Variants in TERB1 observed in about 807,000 individuals in gnomAD.
TERB1 encodes the protein telomere repeats-binding bouquet formation protein 1.
In TERB1, 63 loss-of-function variants were observed where a neutral mutation model predicts 92.3. That is an observed-to-expected ratio of 0.68 (90% CI 0.56 to 0.84). The LOEUF (loss-of-function observed/expected upper bound fraction) is 0.84, where lower values mean the gene tolerates loss of function less well. Among genes scored for constraint, TERB1 ranks in the 40% least tolerant of loss-of-function variants. The probability of loss-of-function intolerance (pLI) is 0.00; values close to 1 mark genes in which losing one functional copy is unlikely to be tolerated. For synonymous variants in TERB1, 252 were observed against 283.9 expected (o/e 0.89, Z 1.13); for missense variants, 709 against 843.7 (o/e 0.84, Z 1.98).
In TERB1 at chr16:66,767,428, C is replaced by G. The variant is rs369618997; in HGVS notation, c.1767G>C (p.Thr589=). ...AAAAATACTTACCTGAGCACCTATA[C>G]GTCAACATTTCGGAACAACTGGGAG... ...LATPSCSEML[T]YRCSGCIAVE... Residue 589 remains threonine (T), a synonymous_variant, in exon 16 of 19, where the codon ACG becomes ACC. Transcript: ENST00000433154. 1.3e-6 allele frequency: 2 copies of G among 1,521,792 alleles called. No individual in the cohort carries two copies. The highest frequency in any genetic ancestry group is 2.5e-5 in the East Asian group (1 of 40,118). 94.3% of individuals were successfully genotyped at this position (1,521,792 alleles called of 1,614,324 possible). A position where few individuals can be genotyped will look rare whatever the true frequency, so the allele number is the denominator to read the frequency against.
intron 2 of TERB1, among the ~76,000 whole-genome samples, chr16:66,797,623 C>CCACCCACACA (rs1959204472): frequency 7.1e-6 from 1 of 140,846 alleles, no homozygotes; most frequent in African/African-American, 2.7e-5. Flanking sequence ...TAAAAACACA[C>CCACCCACACA]CACACACACA....
Position 66,770,294 on chromosome 16 carries a change from C to A in TERB1, c.1288G>T (p.Glu430Ter). The A allele has an allele frequency of 6.5e-7, 1 of 1,540,370 alleles. No individual in the cohort carries two copies. Among genetic ancestry groups the A allele is most frequent in the Non-Finnish European group, 8.8e-7 (1 of 1,139,396 alleles). Reference sequence around the variant, plus strand: ...GATGAAATATTATCCTGATAGTTTTCTCTTTGTATTTCTTCCTATAGTGTA... The same window carrying A: ...GATGAAATATTATCCTGATAGTTTTATCTTTGTATTTCTTCCTATAGTGTA... ...REGNEEEIQR[E>*]NYQDNISSMN... Residue 430 changes from glutamate to a stop codon, truncating the protein, a stop_gained, in exon 14 of 19, where the codon GAA becomes TAA. Transcript: ENST00000433154. LOFTEE classifies it high-confidence loss of function.
At chr16:66,777,446 A>C in intron 10 of TERB1, 112 bp from the exon 11 acceptor site, 1 of 557,232 alleles carries the variant, frequency 1.8e-6, no homozygotes, top group Non-Finnish European at 3.0e-6. Context: ...ATCTATATAA[A>C]ATTAAATATA....
At chr16:66,794,891 C>A (rs977130246) in intron 3 of TERB1, among the ~76,000 whole-genome samples, 6 of 131,614 alleles carry the variant, frequency 4.6e-5, no homozygotes, top group Non-Finnish European at 7.8e-5. Flanking sequence ...GCCTGGGCGA[C>A]AGAGTGAGAC....
intron 10 of TERB1, among the ~76,000 whole-genome samples, chr16:66,777,832 T>C (rs1567472484): frequency 6.6e-6 from 1 of 152,234 alleles, no homozygotes; most frequent in Non-Finnish European, 1.5e-5. Flanking sequence ...TATGCTGAGA[T>C]GTGACAAAAG....
chr16:66,772,543 A>T (rs958672288), intron 13 of TERB1, 46 bp downstream of exon 13: 1 of 1,479,718 alleles, frequency 6.8e-7, no homozygotes, highest in Non-Finnish European at 9.0e-7. Flanking sequence ...AAGAAATTTT[A>T]AAAATTTGAA....
intron 13 of TERB1, among the ~76,000 whole-genome samples, chr16:66,771,558 T>C (rs749415753): frequency 2.6e-5 from 4 of 151,982 alleles, no homozygotes; most frequent in African/African-American, 2.4e-5. Flanking sequence ...CAATCCCCCA[T>C]AGATACCAAG....
chr16:66,764,932 C>T (rs752538496), intron 16 of TERB1, among the ~76,000 whole-genome samples: 5 of 152,102 alleles, frequency 3.3e-5, no homozygotes, highest in Admixed American at 6.6e-5. Flanking sequence ...CTATAGCCCA[C>T]GTTAGAAGCC....
At chr16:66,768,570 C>T (rs991956806) in intron 14 of TERB1, among the ~76,000 whole-genome samples, 9 of 152,244 alleles carry the variant, frequency 5.9e-5, no homozygotes, top group Non-Finnish European at 1.2e-4. Flanking sequence ...ACCCCCAAAA[C>T]ATTTGTATGT....
In TERB1 at chr16:66,780,401, T is replaced by TAAA. The variant is rs5817602; in HGVS notation, c.701-1389_701-1387dup. ...ATAGTGAGACCCCATCTCTACAAAA[T>TAAA]AAAAAAAAAAAATTGAAAATTAGCC... On this transcript the variant is annotated intron_variant, in intron 9 of 18. Coordinates refer to ENST00000433154, the MANE Select transcript of TERB1 (RefSeq NM_001136505.2). Among the ~76,000 whole-genome samples the TAAA allele has an allele frequency of 3.4e-5, 5 of 147,308 alleles. No individual in the cohort carries two copies. The East Asian group carries it at 7.9e-4, about 23-fold the overall frequency.
chr16:66,790,489 CAT>C (rs1379075161), intron 5 of TERB1, 104 bp downstream of exon 5: 18 of 808,106 alleles, frequency 2.2e-5, no homozygotes, highest in African/African-American at 7.2e-5. Flanking sequence ...ATTATTCAAA[CAT>C]GTAAAAAAAA....
At chr16:66,773,150 G>A (rs2018481948) in intron 12 of TERB1, among the ~76,000 whole-genome samples, 1 of 142,926 alleles carries the variant, frequency 7.0e-6, no homozygotes, top group Non-Finnish European at 1.5e-5. Context: ...CCAATATGGT[G>A]AAACTCCACC....
Position 66,767,448 on chromosome 16 carries a change from T to C in TERB1, c.1747A>G (p.Ser583Gly), listed in dbSNP as rs2018366291. Reference sequence around the variant, plus strand: ...CTATACGTCAACATTTCGGAACAACTGGGAGTTGCTAGAAAACTGACTACT... The same window carrying C: ...CTATACGTCAACATTTCGGAACAACCGGGAGTTGCTAGAAAACTGACTACT... ...KEVVSFLATPSCSEMLTYRCS... is the reference protein window; with the variant it reads ...KEVVSFLATPGCSEMLTYRCS... The change falls in exon 16 of 19, where the codon AGT (serine) becomes GGT (glycine). Residue 583 changes from serine to glycine, a missense_variant. Physicochemically the swap from Ser to Gly is moderately conservative, Grantham distance 56. Coordinates refer to ENST00000433154, the MANE Select transcript of TERB1 (RefSeq NM_001136505.2). The C allele has an allele frequency of 6.5e-7, 1 of 1,528,892 alleles. No homozygotes were observed. The highest frequency in any genetic ancestry group is 8.8e-7 in the Non-Finnish European group (1 of 1,138,444). The allele number at this position is 1,528,892 out of a possible 1,614,324, so 94.7% of individuals were successfully genotyped here. A position where few individuals can be genotyped will look rare whatever the true frequency, so the allele number is the denominator to read the frequency against.
chr16:66,760,888 C>G (rs2145062944), intron 16 of TERB1, among the ~76,000 whole-genome samples: 1 of 143,504 alleles, frequency 7.0e-6, no homozygotes, highest in Non-Finnish European at 1.5e-5. Context: ...CTGAGGCGGG[C>G]TGATCACAAG....
At chr16:66,759,810 AAAAAAAAAAGGAAAGAAAG>A (rs2018200612) in intron 16 of TERB1, among the ~76,000 whole-genome samples, 1 of 149,310 alleles carries the variant, frequency 6.7e-6, no homozygotes, top group East Asian at 1.9e-4. Context: ...AAAAAAAAAA[AAAAAAAAAAGGAAAGAAAG>A]AAAAGAAAAG....
intron 18 of TERB1, 147 bp from the exon 19 acceptor site, chr16:66,755,310 C>T (rs2145027663): frequency 3.3e-6 from 2 of 605,966 alleles, no homozygotes; most frequent in Non-Finnish European, 5.7e-6. Context: ...ATGTGGAAAC[C>T]CACTTCAATT....
chr16:66,769,694 C>T (rs533632000), intron 14 of TERB1, among the ~76,000 whole-genome samples: 25 of 152,250 alleles, frequency 1.6e-4, no homozygotes, highest in Non-Finnish European at 2.4e-4. Context: ...AAATCTGTTA[C>T]GCCACTCAAT....
Position 66,765,223 on chromosome 16 carries a change from A to T in TERB1, c.1780+2192T>A, listed in dbSNP as rs141196173. ...AATAACCATCTCATACAAACTAAGC[A>T]ATTACAGAACATCCACTTTGCCACC... On this transcript the variant is annotated intron_variant, in intron 16 of 18. Transcript: ENST00000433154. Among the ~76,000 whole-genome samples the T allele has an allele frequency of 1.8e-4, 27 of 152,316 alleles. No homozygotes were observed. In the East Asian group the frequency reaches 3.5e-3, roughly 20 times the overall value.
chr16:66,761,109 CAAA>C (rs34199990), intron 16 of TERB1, among the ~76,000 whole-genome samples: 5 of 71,124 alleles, frequency 7.0e-5, no homozygotes, highest in East Asian at 6.7e-4. Flanking sequence ...GACTCCACCT[CAAA>C]AAAAAAAAAA....
Sources: gnomAD v4.1 joint callset for allele counts (sites outside exome capture counted in the v4.1 genomes callset) on GRCh38, gnomAD v4.1.1 for gene constraint, MANE v1.5 for transcripts, NCBI Gene and HGNC (gene_info 2026-07-23, HGNC 2026-07-21) for gene names.